Variants in DOCK9 observed in about 807,000 individuals in gnomAD.
The protein encoded by DOCK9 is dedicator of cytokinesis protein 9.
In DOCK9, 89 loss-of-function variants were observed where a neutral mutation model predicts 263.3. That is an observed-to-expected ratio of 0.34 (90% confidence interval 0.28 to 0.40). The LOEUF is 0.40. DOCK9 is among the 10% of genes least tolerant of loss of function. The probability of loss-of-function intolerance (pLI) is 1.00; values close to 1 mark genes in which losing one functional copy is unlikely to be tolerated. For synonymous variants in DOCK9, 976 were observed against 973.1 expected (o/e 1.00, Z -0.06); for missense variants, 2,140 against 2,603.4 (o/e 0.82, Z 3.87).
At chr13:99,037,407 G>A (rs1326155598) in intron 1 of DOCK9, among the ~76,000 whole-genome samples, 1 of 152,104 alleles carries the variant, frequency 6.6e-6, no homozygotes, top group Non-Finnish European at 1.5e-5. Flanking sequence ...ATTTAAAACT[G>A]AATGAGATAC....
chr13:98,845,064 GC>G (rs2093348319), intron 38 of DOCK9, among the ~76,000 whole-genome samples: 1 of 152,166 alleles, frequency 6.6e-6, no homozygotes, highest in Non-Finnish European at 1.5e-5. Context: ...TTTTTCACGT[GC>G]TGTATGGTTG....
At chr13:99,082,212 G>A (rs1457772020) in intron 1 of DOCK9, among the ~76,000 whole-genome samples, 2 of 146,258 alleles carry the variant, frequency 1.4e-5, no homozygotes. Context: ...AGATTAAGAT[G>A]GTCTCTAAAA....
Position 98,829,789 on chromosome 13 carries a change from T to TA in DOCK9, c.4636-34dup. ...ACACACAAACATGAGCAAATCAATT[T>TA]ACCTTCAAATGACTGCCCAGGCTGG... On this transcript the variant is annotated intron_variant, in intron 41 of 52. Transcript: ENST00000682017. This position sits in a 1 kb window ranked among gnomAD's most constrained non-coding sequence, Gnocchi z 4.1. The TA allele has an allele frequency of 6.5e-7, 1 of 1,542,706 alleles. No homozygotes were observed. The highest frequency in any genetic ancestry group is 8.8e-7 in the Non-Finnish European group (1 of 1,132,164).
chr13:99,029,118 A>G (rs2142052196), intron 1 of DOCK9, among the ~76,000 whole-genome samples: 1 of 152,288 alleles, frequency 6.6e-6, no homozygotes, highest in East Asian at 1.9e-4. Flanking sequence ...CTTCTTCACC[A>G]GGGCAGCAGC....
intron 1 of DOCK9, among the ~76,000 whole-genome samples, chr13:99,032,719 A>T (rs1291340536): frequency 6.6e-6 from 1 of 152,136 alleles, no homozygotes; most frequent in African/African-American, 2.4e-5. Flanking sequence ...GGTGTTTTGT[A>T]GCTTTCCACT....
rs118084813 is a variant in DOCK9, at chr13:99,043,478, C to T, written c.129+42745G>A. Among the ~76,000 whole-genome samples, 541 of 152,264 alleles carry T rather than the reference C, an allele frequency of 3.6e-3. 1 individual carries two copies. The highest frequency in any genetic ancestry group is 5.4e-3 in the Non-Finnish European group (368 of 68,022). ...AAGGGGCAGCCCATCTGTCTCTCTA[C>T]GGTCTCATATCCTGGGAAGTCAGCC... is the stretch of plus-strand genomic sequence containing the variant. On this transcript the variant is annotated intron_variant, in intron 1 of 32. Coordinates refer to the DOCK9 transcript ENST00000427887.
At chr13:98,940,088 A>C (rs1219422430) in intron 2 of DOCK9, among the ~76,000 whole-genome samples, 1 of 152,228 alleles carries the variant, frequency 6.6e-6, no homozygotes, top group Admixed American at 6.5e-5. Flanking sequence ...TTCAGAGCAT[A>C]TGACTTGCTT....
At position 98,811,349 on chromosome 13, in the gene DOCK9, T is replaced by A. The variant is rs58976852; in HGVS notation, c.5131-1058A>T. The stretch of plus-strand genomic sequence containing the variant: ...ATTATTGAATTTTGAGAGTTCTTTA[T>A]ATACTGTGGATAAATGTCCTTTGCC... On this transcript the variant is annotated intron_variant, in intron 45 of 52. Coordinates refer to ENST00000682017, the MANE Select transcript of DOCK9 (RefSeq NM_001366683.2). Among the ~76,000 whole-genome samples the A allele has an allele frequency of 7.7e-4, 117 of 152,354 alleles. 1 individual carries two copies. The East Asian group carries it at 0.021, about 27-fold the overall frequency.
At chr13:98,887,937 C>T (rs2046039516) in intron 18 of DOCK9, among the ~76,000 whole-genome samples, 1 of 151,932 alleles carries the variant, frequency 6.6e-6, no homozygotes, top group Non-Finnish European at 1.5e-5. Context: ...AAACTCTGAT[C>T]CTTAAAAAGA....
intron 49 of DOCK9, among the ~76,000 whole-genome samples, chr13:98,801,736 G>A (rs2090133828): frequency 6.6e-6 from 1 of 152,096 alleles, no homozygotes; most frequent in African/African-American, 2.4e-5. Flanking sequence ...GAGTGGTCCT[G>A]GTCTCTAGTT....
rs560254467 is a variant in DOCK9, at chr13:99,086,326, G to A, written c.26C>T (p.Ala9Val). 2.5e-5 allele frequency: 37 copies of A among 1,463,942 alleles called. No homozygotes were observed. In the South Asian group the frequency reaches 4.6e-4, roughly 18 times the overall value. The allele number at this position is 1,463,942 out of a possible 1,614,324, so 90.7% of individuals were successfully genotyped here. A position where few individuals can be genotyped will look rare whatever the true frequency, so the allele number is the denominator to read the frequency against. Residue 9 changes from alanine to valine, a missense_variant, in exon 1 of 33, where the codon GCC (alanine) becomes GTC (valine). Physicochemically the swap from Ala to Val is moderately conservative, Grantham distance 64. Coordinates refer to the DOCK9 transcript ENST00000427887. ...GGTGAACTTCCGAGTCTCCGCCGAG[G>A]CGGGGAGCAGCGGCGGCTGCGACAT...
chr13:98,926,236 C>G (rs2052941494), intron 3 of DOCK9, among the ~76,000 whole-genome samples: 1 of 152,160 alleles, frequency 6.6e-6, no homozygotes, highest in Non-Finnish European at 1.5e-5. Flanking sequence ...GAGTAAGCAC[C>G]TGGTTCTTAA....
At chr13:98,832,329 G>A (rs1023719598) in intron 39 of DOCK9, among the ~76,000 whole-genome samples, 2 of 152,120 alleles carry the variant, frequency 1.3e-5, no homozygotes, top group African/African-American at 4.8e-5. Flanking sequence ...GCATGAATTT[G>A]CACAGGTAAA....
intron 35 of DOCK9, among the ~76,000 whole-genome samples, chr13:98,851,863 GAGA>G (rs1035951795): frequency 1.1e-4 from 17 of 152,226 alleles, no homozygotes; most frequent in Admixed American, 3.9e-4. Flanking sequence ...CTGGGAGTAG[GAGA>G]AGATTTCTTA....
intron 1 of DOCK9, among the ~76,000 whole-genome samples, chr13:99,018,131 T>C (rs1885650880): frequency 6.6e-6 from 1 of 152,162 alleles, no homozygotes; most frequent in Non-Finnish European, 1.5e-5. Flanking sequence ...GGAGATAAAT[T>C]AATAAAATGT....
intron 1 of DOCK9, among the ~76,000 whole-genome samples, chr13:98,989,105 G>A (rs775174434): frequency 2.6e-5 from 4 of 152,036 alleles, no homozygotes; most frequent in African/African-American, 7.3e-5. Flanking sequence ...TGCAATGTTC[G>A]CCCACCTCTT....
At chr13:98,981,613 G>A (rs992710719), upstream of DOCK9, among the ~76,000 whole-genome samples, 8 of 152,206 alleles carry the variant, frequency 5.3e-5, no homozygotes, top group Non-Finnish European at 8.8e-5. Context: ...CCCTGAGGGC[G>A]TGGAGGAGAG....
At chr13:99,039,359 C>T (rs1359960577) in intron 1 of DOCK9, among the ~76,000 whole-genome samples, 1 of 151,992 alleles carries the variant, frequency 6.6e-6, no homozygotes, top group Non-Finnish European at 1.5e-5. Flanking sequence ...ACACTATTGC[C>T]AACCATGACT....
At chr13:98,942,474 G>A (rs984827748) in intron 2 of DOCK9, among the ~76,000 whole-genome samples, 18 of 152,098 alleles carry the variant, frequency 1.2e-4, no homozygotes, top group South Asian at 4.2e-4. Context: ...TCCTGACCTC[G>A]TGATCTGCCC....
Sources: gnomAD v4.1 joint callset for allele counts (sites outside exome capture counted in the v4.1 genomes callset) on GRCh38, gnomAD v4.1.1 for gene constraint, Gnocchi (gnomAD v3.1) non-coding constraint, MANE v1.5 for transcripts, NCBI Gene and HGNC (gene_info 2026-07-23, HGNC 2026-07-21) for gene names.